RAP1B: variants seen among roughly 807,000 people sequenced by gnomAD.
RAP1B encodes the protein RAP1B, member of RAS oncogene family.
A neutral mutation model predicts 27.5 loss-of-function variants in RAP1B; 1 was observed. That is an observed-to-expected ratio of 0.04 (90% CI 0.01 to 0.17). RAP1B has a LOEUF of 0.17. RAP1B is among the 10% of genes least tolerant of loss of function. The pLI is 1.00. For missense variants in RAP1B, 84 were observed against 214.8 expected, an observed-to-expected ratio of 0.39 and a Z score of 3.81; for synonymous variants, 75 against 73.1, an observed-to-expected ratio of 1.03 and a Z score of -0.13.
chr12:68,617,482 GAT>G (rs1259821081), intron 1 of RAP1B, among the ~76,000 whole-genome samples: 1 of 152,158 alleles, frequency 6.6e-6, no homozygotes, highest in African/African-American at 2.4e-5. Flanking sequence ...ACAAACTTGA[GAT>G]AGTGTACTGA....
rs2051812610 is a variant in RAP1B, at chr12:68,662,377, G to C, written c.*3128G>C. ...TTTTTCTAAAAAGTGTAAAAACCCT[G>C]TATTGACTTTCTTGTTGATTCAGTT... On this transcript the variant is annotated 3_prime_UTR_variant, in exon 8 of 8. Coordinates refer to ENST00000250559, the MANE Select transcript of RAP1B (RefSeq NM_001010942.3). 1 of 151,988 alleles carries C rather than the reference G, an allele frequency of 6.6e-6. No homozygotes were observed. 9.4% of individuals were successfully genotyped at this position (151,988 alleles called of 1,614,324 possible). A position where few individuals can be genotyped will look rare whatever the true frequency, so the allele number is the denominator to read the frequency against.
At chr12:68,627,300 G>A in intron 1 of RAP1B, 1 of 827,974 alleles carries the variant, frequency 1.2e-6, no homozygotes, top group Non-Finnish European at 2.1e-6. Flanking sequence ...CACTACCAAG[G>A]AAGCTGCTGT....
chr12:68,616,460 T>G (rs1871019192), intron 1 of RAP1B, among the ~76,000 whole-genome samples: 1 of 145,238 alleles, frequency 6.9e-6, no homozygotes, highest in Non-Finnish European at 1.5e-5. Flanking sequence ...TTTTTTTTTT[T>G]TTTTGAGACG....
At position 68,654,193 on chromosome 12, in the gene RAP1B, A is replaced by G; in HGVS notation, c.265A>G (p.Thr89Ala). ...ALVYSITAQS[T>A]FNDLQDLREQ... ...AGTTTATTCCATCACAGCACAGTCCACATTTAACGATTTACAAGACCTGAG... is the reference window on the plus strand; with the variant it reads ...AGTTTATTCCATCACAGCACAGTCCGCATTTAACGATTTACAAGACCTGAG... The change falls in exon 5 of 8, where the codon ACA becomes GCA. Residue 89 changes from threonine to alanine, a missense_variant. Thr to Ala is a moderately conservative substitution (Grantham distance 58, BLOSUM62 0). Coordinates refer to ENST00000250559, the MANE Select transcript of RAP1B (RefSeq NM_001010942.3). 6.2e-7 allele frequency: 1 copy of G among 1,602,838 alleles called. No homozygotes were observed. Among genetic ancestry groups the G allele is most frequent in the Non-Finnish European group, 8.5e-7 (1 of 1,170,180 alleles).
intron 1 of RAP1B, among the ~76,000 whole-genome samples, chr12:68,616,285 T>C (rs558394883): frequency 4.6e-4 from 69 of 150,094 alleles, no homozygotes; most frequent in Admixed American, 1.0e-3. Context: ...TGTTGTTGTT[T>C]TGTTTTTTGT....
rs1555171648 is a variant in RAP1B, at chr12:68,632,150, G to GT, written c.-26-16539dup. 2.4e-3 allele frequency among the ~76,000 whole-genome samples: 193 copies of GT among 80,308 alleles called. 3 individuals are homozygous for GT. The highest frequency in any genetic ancestry group is 7.2e-3 in the South Asian group (16 of 2,232). 52.7% of individuals were successfully genotyped at this position (80,308 alleles called of 152,430 possible). A position where few individuals can be genotyped will look rare whatever the true frequency, so the allele number is the denominator to read the frequency against. On this transcript the variant is annotated intron_variant, in intron 1 of 7. Coordinates refer to ENST00000250559, the MANE Select transcript of RAP1B (RefSeq NM_001010942.3). ...ATTTGTTTTTTTTTTTTTTTTGTTTGTTTTTTTTTTCCAGACTGTTTGGCT... is the reference window on the plus strand; with the variant it reads ...ATTTGTTTTTTTTTTTTTTTTGTTTGTTTTTTTTTTTCCAGACTGTTTGGCT...
chr12:68,638,509 C>T (rs1843341636), intron 1 of RAP1B, among the ~76,000 whole-genome samples: 1 of 151,990 alleles, frequency 6.6e-6, no homozygotes, highest in Admixed American at 6.6e-5. Context: ...TATTTTCACT[C>T]CTTTTTAAAA....
chr12:68,611,133 G>T, intron 1 of RAP1B, 90 bp downstream of exon 1: 1 of 152,804 alleles, frequency 6.5e-6, no homozygotes, highest in South Asian at 1.8e-4. Flanking sequence ...GGTGGGGTGC[G>T]GCGAGGCGCG....
rs987767612 is a variant in RAP1B at position 68,661,999 on chromosome 12, C to T, written c.*2750C>T. ...AGAGTGAAATGAATGCCAGTGCTATCCTCTAGGTCTATATATATATATATA... is the reference window on the plus strand; with the variant it reads ...AGAGTGAAATGAATGCCAGTGCTATTCTCTAGGTCTATATATATATATATA... On this transcript the variant is annotated 3_prime_UTR_variant, in exon 8 of 8. Transcript: ENST00000250559. 4 of 121,622 alleles carry T rather than the reference C, an allele frequency of 3.3e-5. No homozygotes were observed. The highest frequency in any genetic ancestry group is 2.2e-4 in the East Asian group (1 of 4,516). 7.5% of individuals were successfully genotyped at this position (121,622 alleles called of 1,614,324 possible). A position where few individuals can be genotyped will look rare whatever the true frequency, so the allele number is the denominator to read the frequency against.
chr12:68,629,153 A>AT (rs34402297), intron 1 of RAP1B, among the ~76,000 whole-genome samples: 2 of 152,038 alleles, frequency 1.3e-5, no homozygotes, highest in African/African-American at 2.4e-5. Context: ...TGCCCAGGTA[A>AT]TTTTTTGTAG....
At chr12:68,611,218 CCGGGCCCGCGAGCGCGCTGCCTTG>C (rs895473645) in intron 1 of RAP1B, among the ~76,000 whole-genome samples, 175 bp downstream of exon 1, 9 of 146,886 alleles carry the variant, frequency 6.1e-5, no homozygotes, top group Non-Finnish European at 1.2e-4. Flanking sequence ...GGGCCAGGCG[CCGGGCCCGCGAGCGCGCTGCCTTG>C]CGGGCCGGCG....
At chr12:68,648,650 G>A in intron 1 of RAP1B, 49 bp from the exon 2 acceptor site, 2 of 1,354,824 alleles carry the variant, frequency 1.5e-6, no homozygotes, top group Non-Finnish European at 2.1e-6. Flanking sequence ...AAAAGCACAG[G>A]AATACACAAC....
intron 1 of RAP1B, among the ~76,000 whole-genome samples, chr12:68,632,198 C>T (rs1184304358): frequency 6.8e-6 from 1 of 147,086 alleles, no homozygotes; most frequent in East Asian, 2.0e-4. Flanking sequence ...GGAATGCAGC[C>T]ACGGTCTCAG....
At chr12:68,620,968 G>A (rs1871347930) in intron 1 of RAP1B, among the ~76,000 whole-genome samples, 1 of 152,198 alleles carries the variant, frequency 6.6e-6, no homozygotes, top group Non-Finnish European at 1.5e-5. Context: ...AAGAAAGATA[G>A]TTAAGTTACA....
At chr12:68,614,763 A>T (rs1174870982) in intron 1 of RAP1B, among the ~76,000 whole-genome samples, 1 of 152,232 alleles carries the variant, frequency 6.6e-6, no homozygotes, top group Non-Finnish European at 1.5e-5. Context: ...AGCCATCTGT[A>T]AACAGGAGTA....
intron 1 of RAP1B, among the ~76,000 whole-genome samples, chr12:68,643,657 C>T (rs1467327044): frequency 6.6e-6 from 1 of 152,132 alleles, no homozygotes; most frequent in Non-Finnish European, 1.5e-5. Context: ...ACTTTTCCAA[C>T]ATCAATATTT....
chr12:68,620,671 A>T (rs1386969007), intron 1 of RAP1B, among the ~76,000 whole-genome samples: 4 of 149,674 alleles, frequency 2.7e-5, no homozygotes, highest in African/African-American at 9.9e-5. Context: ...CACAACCACG[A>T]CTCACTGAAG....
intron 1 of RAP1B, among the ~76,000 whole-genome samples, chr12:68,640,380 C>A (rs1048924644): frequency 6.6e-6 from 1 of 152,056 alleles, no homozygotes; most frequent in African/African-American, 2.4e-5. Context: ...CCCCTCTATA[C>A]CCTTTACTCC....
chr12:68,653,744 T>C (rs950854653), intron 4 of RAP1B, among the ~76,000 whole-genome samples: 5 of 151,878 alleles, frequency 3.3e-5, no homozygotes, highest in African/African-American at 9.7e-5. Flanking sequence ...CTGGCTAACA[T>C]GGTGAAAGCC....
Sources: allele counts gnomAD v4.1 joint callset (sites outside exome capture counted in the v4.1 genomes callset), GRCh38; gene constraint gnomAD v4.1.1; transcripts MANE v1.5; gene names NCBI Gene and HGNC (gene_info 2026-07-23, HGNC 2026-07-21).